TMEM135: variants seen among roughly 807,000 people sequenced by gnomAD.
TMEM135 encodes peroxisomal membrane protein 52.
Under a neutral mutation model 60.3 loss-of-function variants are expected in TMEM135, and 30 were observed. The ratio of observed to expected loss-of-function variants is 0.50; its 90% CI spans 0.37 to 0.68. TMEM135 has a LOEUF of 0.68. Ranked by LOEUF, TMEM135 falls within the 30% of genes least tolerant of loss-of-function variation. The pLI is 0.00. For missense variants in TMEM135, 468 were observed against 548.8 expected, an observed-to-expected ratio of 0.85 and a Z score of 1.47; for synonymous variants, 190 against 186.7, an observed-to-expected ratio of 1.02 and a Z score of -0.14.
Position 87,256,759 on chromosome 11 carries a change from A to G in TMEM135, c.509+20075A>G, listed in dbSNP as rs185299381. On this transcript the variant is annotated intron_variant, in intron 6 of 14. Coordinates refer to ENST00000305494, the MANE Select transcript of TMEM135 (RefSeq NM_022918.4). ...TCACCCATAATCTCTTCTTTCAAAG[A>G]CAAGTAACTACCAGCTTTGTTTGTA... 2.9e-3 allele frequency among the ~76,000 whole-genome samples: 435 copies of G among 152,302 alleles called. 2 individuals carry two copies. Among genetic ancestry groups the G allele is most frequent in the Middle Eastern group, 0.02 (6 of 294 alleles).
intron 4 of TMEM135, among the ~76,000 whole-genome samples, chr11:87,142,526 G>T (rs1253997246): frequency 1.3e-5 from 2 of 152,138 alleles, no homozygotes; most frequent in African/African-American, 2.4e-5. Context: ...TATTTGTGTC[G>T]AGAAGTCTGC....
At chr11:87,300,794 C>T (rs530206780) in intron 7 of TMEM135, among the ~76,000 whole-genome samples, 2 of 152,316 alleles carry the variant, frequency 1.3e-5, no homozygotes, top group Admixed American at 6.5e-5. Flanking sequence ...TAAAATGGCA[C>T]GTACATTACT....
intron 7 of TMEM135, among the ~76,000 whole-genome samples, chr11:87,298,194 T>G (rs10792937): frequency 0.63 from 95,758 of 151,880 alleles, 30,463 homozygotes; most frequent in Non-Finnish European, 0.67. Flanking sequence ...ACAAAGGGAA[T>G]GGGAAAGGAA....
rs1432026151 is a variant in TMEM135 at position 87,322,280 on chromosome 11, C to T, written c.*947C>T. 2.2e-6 allele frequency: 1 copy of T among 454,074 alleles called. No individual in the cohort carries two copies. The highest frequency in any genetic ancestry group is 4.4e-6 in the Non-Finnish European group (1 of 226,752). The allele number at this position is 454,074 out of a possible 1,614,324, so 28.1% of individuals were successfully genotyped here. ...GGCAAGTTGGCAGTTTGTGTCCTCT[C>T]AGCTGTTTAACTTATGTAATGGATG... On this transcript the variant is annotated 3_prime_UTR_variant, in exon 15 of 15. Coordinates refer to ENST00000305494, the MANE Select transcript of TMEM135 (RefSeq NM_022918.4).
chr11:87,199,238 C>T (rs1048015582), intron 5 of TMEM135, among the ~76,000 whole-genome samples: 1 of 152,110 alleles, frequency 6.6e-6, no homozygotes, highest in South Asian at 2.1e-4. Context: ...AACTCCTGAC[C>T]TCCTTGTGCA....
Position 87,328,466 on chromosome 11 carries a change from G to A in TMEM135, c.*7133G>A, listed in dbSNP as rs1034929532. On this transcript the variant is annotated 3_prime_UTR_variant, in exon 15 of 15. Coordinates refer to ENST00000305494, the MANE Select transcript of TMEM135 (RefSeq NM_022918.4). ...TTTTAGTGCACCTGTCACCAGAATAGTGTGCATTGTACCCAATATATAGCT... is the reference window on the plus strand; with the variant it reads ...TTTTAGTGCACCTGTCACCAGAATAATGTGCATTGTACCCAATATATAGCT... 5.3e-5 allele frequency: 24 copies of A among 453,968 alleles called. No homozygotes were observed. The Admixed American group carries it at 5.4e-4, about 10-fold the overall frequency. 28.1% of individuals were successfully genotyped at this position (453,968 alleles called of 1,614,324 possible). A position where few individuals can be genotyped will look rare whatever the true frequency, so the allele number is the denominator to read the frequency against.
At chr11:87,221,517 G>A (rs186625819) in intron 5 of TMEM135, among the ~76,000 whole-genome samples, 2 of 152,234 alleles carry the variant, frequency 1.3e-5, no homozygotes, top group East Asian at 1.9e-4. Flanking sequence ...GGTTTTGCCT[G>A]TAGACAGACA....
chr11:87,067,222 GTA>G (rs1856684193), intron 1 of TMEM135, among the ~76,000 whole-genome samples: 1 of 143,980 alleles, frequency 6.9e-6, no homozygotes. Flanking sequence ...TATATATGTA[GTA>G]TATATATATT....
At chr11:87,038,385 G>A (rs1278921734) in intron 1 of TMEM135, among the ~76,000 whole-genome samples, 199 bp downstream of exon 1, 1 of 152,104 alleles carries the variant, frequency 6.6e-6, no homozygotes, top group Non-Finnish European at 1.5e-5. Context: ...CAAGGGAGAA[G>A]GAGGAGGGGA....
intron 3 of TMEM135, among the ~76,000 whole-genome samples, chr11:87,088,472 C>T (rs1334016438): frequency 6.6e-6 from 1 of 152,106 alleles, no homozygotes; most frequent in African/African-American, 2.4e-5. Context: ...AAACTTTGTT[C>T]ATAGGAGTAT....
At chr11:87,188,632 A>T (rs1245841166) in intron 5 of TMEM135, among the ~76,000 whole-genome samples, 2 of 151,824 alleles carry the variant, frequency 1.3e-5, no homozygotes, top group African/African-American at 4.8e-5. Flanking sequence ...AGAAGCCAGT[A>T]GGTGGAGGTT....
intron 3 of TMEM135, among the ~76,000 whole-genome samples, chr11:87,086,174 G>T (rs984828978): frequency 6.6e-6 from 1 of 152,092 alleles, no homozygotes; most frequent in Non-Finnish European, 1.5e-5. Flanking sequence ...TTTGTTCTTA[G>T]AAATACCTTG....
intron 6 of TMEM135, among the ~76,000 whole-genome samples, chr11:87,245,059 C>G (rs1431284782): frequency 7.2e-6 from 1 of 139,124 alleles, no homozygotes; most frequent in Non-Finnish European, 1.6e-5. Context: ...TATCTTTGTT[C>G]TCCTTGGTTT....
chr11:87,180,904 C>T (rs1448642586), intron 5 of TMEM135, among the ~76,000 whole-genome samples: 1 of 152,190 alleles, frequency 6.6e-6, no homozygotes, highest in African/African-American at 2.4e-5. Context: ...TTCTGGGATA[C>T]ACTCCAACAT....
intron 5 of TMEM135, among the ~76,000 whole-genome samples, chr11:87,175,147 T>G (rs12577555): frequency 0.11 from 16,000 of 152,156 alleles, 889 homozygotes; most frequent in African/African-American, 0.13. Context: ...AATAATATCT[T>G]GATATTTATT....
chr11:87,287,834 C>G (rs954346516), intron 6 of TMEM135, among the ~76,000 whole-genome samples: 1 of 152,138 alleles, frequency 6.6e-6, no homozygotes, highest in Non-Finnish European at 1.5e-5. Flanking sequence ...TCTAGCAAAA[C>G]TTTTACAACC....
At chr11:87,205,514 C>T (rs1940216178) in intron 5 of TMEM135, among the ~76,000 whole-genome samples, 1 of 152,104 alleles carries the variant, frequency 6.6e-6, no homozygotes, top group Non-Finnish European at 1.5e-5. Context: ...CATAGTTGAG[C>T]AGGATCAGAG....
In TMEM135 at chr11:87,229,534, T is replaced by C. The variant is rs142596838; in HGVS notation, c.463-7104T>C. 5.9e-3 allele frequency among the ~76,000 whole-genome samples: 893 copies of C among 152,248 alleles called. 14 individuals are homozygous for C. Among genetic ancestry groups the C allele is most frequent in the African/African-American group, 0.021 (853 of 41,568 alleles). On this transcript the variant is annotated intron_variant, in intron 5 of 14. Coordinates refer to ENST00000305494, the MANE Select transcript of TMEM135 (RefSeq NM_022918.4). ...CATATGCTGTTGTGGGGAGTATATATTGGTATAGTTTTCTTTGGAGGTCAA... is the reference window on the plus strand; with the variant it reads ...CATATGCTGTTGTGGGGAGTATATACTGGTATAGTTTTCTTTGGAGGTCAA...
intron 3 of TMEM135, among the ~76,000 whole-genome samples, chr11:87,072,597 G>A (rs534532410): frequency 1.3e-5 from 2 of 152,034 alleles, no homozygotes; most frequent in Non-Finnish European, 2.9e-5. Context: ...TGGCCAGGCT[G>A]GTCTCAAACT....
Sources: allele counts gnomAD v4.1 joint callset (sites outside exome capture counted in the v4.1 genomes callset), GRCh38; gene constraint gnomAD v4.1.1; transcripts MANE v1.5; gene names NCBI Gene and HGNC (gene_info 2026-07-23, HGNC 2026-07-21).